The following FHL5 variants were observed in gnomAD, a reference collection of about 807,000 sequenced individuals.
FHL5 encodes four and a half LIM domains protein 5.
Under a neutral mutation model 32.0 loss-of-function variants are expected in FHL5, and 33 were observed. The observed-to-expected ratio is 1.03, with a 90% CI of 0.78 to 1.38. The LOEUF is 1.38. Ranked by LOEUF, FHL5 falls within the 40% of genes most tolerant of loss-of-function variation. The pLI, the probability that FHL5 is intolerant of heterozygous loss-of-function variation, is 0.00. For missense variants in FHL5, 336 were observed against 343.9 expected, an observed-to-expected ratio of 0.98 and a Z score of 0.18; for synonymous variants, 114 against 113.6, an observed-to-expected ratio of 1.00 and a Z score of -0.02.
chr6:96,604,695 A>C, intron 2 of FHL5, 55 bp from the exon 3 acceptor site: 1 of 1,429,750 alleles, frequency 7.0e-7, no homozygotes, highest in Non-Finnish European at 9.6e-7. Flanking sequence ...TGTTTCATAA[A>C]ATGGCCTGTA....
At chr6:96,593,610 G>A (rs1770966865) in intron 1 of FHL5, among the ~76,000 whole-genome samples, 1 of 152,050 alleles carries the variant, frequency 6.6e-6, no homozygotes, top group Non-Finnish European at 1.5e-5. Flanking sequence ...AGCTTACCAG[G>A]CCTGCTACAT....
chr6:96,608,525 G>T (rs1449598091), intron 4 of FHL5, among the ~76,000 whole-genome samples: 1 of 152,038 alleles, frequency 6.6e-6, no homozygotes, highest in Non-Finnish European at 1.5e-5. Flanking sequence ...CAACCAGGCT[G>T]TTAGAACTTT....
chr6:96,608,280 A>G (rs1468622547), intron 4 of FHL5, among the ~76,000 whole-genome samples: 1 of 152,182 alleles, frequency 6.6e-6, no homozygotes, highest in Non-Finnish European at 1.5e-5. Flanking sequence ...AGGTTATTGG[A>G]GCCTGTAACT....
rs751149566 is a variant in FHL5, at chr6:96,604,838, C to A, written c.248C>A (p.Ala83Asp). 6.2e-7 allele frequency: 1 copy of A among 1,613,978 alleles called. No individual in the cohort carries two copies. Among genetic ancestry groups the A allele is most frequent in the Non-Finnish European group, 8.5e-7 (1 of 1,179,860 alleles). Residue 83 changes from alanine (A) to aspartate (D), a missense_variant, in exon 3 of 6, where the codon GCC becomes GAC. Physicochemically the swap from Ala to Asp is moderately radical, Grantham distance 126. Transcript: ENST00000450218. ...NHSLVEKPFA[A>D]KDERLLCTEC... ...TCTTTGGTGGAAAAGCCTTTTGCTG[C>A]CAAGGATGAGCGCCTGCTGTGCACG...
intron 1 of FHL5, among the ~76,000 whole-genome samples, chr6:96,568,102 G>A (rs941354778): frequency 1.3e-5 from 2 of 151,688 alleles, no homozygotes; most frequent in Non-Finnish European, 3.0e-5. Flanking sequence ...TGTGATATTG[G>A]CTGTGGGTTT....
At chr6:96,588,347 A>G (rs2127965840) in intron 1 of FHL5, among the ~76,000 whole-genome samples, 1 of 152,212 alleles carries the variant, frequency 6.6e-6, no homozygotes, top group Non-Finnish European at 1.5e-5. Flanking sequence ...ACTGGCTGGG[A>G]TTACAGGCAT....
chr6:96,565,805 CAT>C (rs760806086), intron 1 of FHL5, among the ~76,000 whole-genome samples: 10 of 152,044 alleles, frequency 6.6e-5, no homozygotes, highest in Non-Finnish European at 1.3e-4. Context: ...ATTTAAGTAA[CAT>C]GTCATAAGTC....
At chr6:96,582,736 T>A (rs1016074991) in intron 1 of FHL5, among the ~76,000 whole-genome samples, 1 of 152,188 alleles carries the variant, frequency 6.6e-6, no homozygotes, top group African/African-American at 2.4e-5. Flanking sequence ...TCCACCACAA[T>A]TCTATGATGC....
In FHL5 at chr6:96,576,073, C is replaced by T. The variant is rs553317414; in HGVS notation, c.-13+12718C>T. Among the ~76,000 whole-genome samples the T allele has an allele frequency of 2.9e-3, 445 of 152,282 alleles. 1 individual carries two copies. Among genetic ancestry groups the T allele is most frequent in the African/African-American group, 0.01 (421 of 41,570 alleles). ...GTCACTACCTCCACAACTGTGTGGA[C>T]GGCCCTCAGCTTAGGAACCTCCACC... On this transcript the variant is annotated intron_variant, in intron 1 of 5. Coordinates refer to ENST00000450218, the MANE Select transcript of FHL5 (RefSeq NM_001322466.2).
intron 1 of FHL5, among the ~76,000 whole-genome samples, chr6:96,592,231 G>A (rs1201139840): frequency 6.6e-6 from 1 of 152,042 alleles, no homozygotes; most frequent in African/African-American, 2.4e-5. Context: ...ATAGAAGATG[G>A]CCACACCCAA....
intron 1 of FHL5, among the ~76,000 whole-genome samples, chr6:96,587,065 C>T (rs1489770669): frequency 6.6e-6 from 1 of 152,184 alleles, no homozygotes; most frequent in African/African-American, 2.4e-5. Flanking sequence ...GTCATGGCAA[C>T]AGCTTTTTGG....
At chr6:96,570,023 A>G (rs1387388401) in intron 1 of FHL5, among the ~76,000 whole-genome samples, 1 of 151,696 alleles carries the variant, frequency 6.6e-6, no homozygotes, top group African/African-American at 2.4e-5. Flanking sequence ...TTCTGTAGTG[A>G]CAAGGTTTGA....
At chr6:96,594,765 T>C (rs966311262) in intron 1 of FHL5, among the ~76,000 whole-genome samples, 1 of 151,986 alleles carries the variant, frequency 6.6e-6, no homozygotes, top group African/African-American at 2.4e-5. Flanking sequence ...AATAATTTTG[T>C]TTTACTTATT....
chr6:96,586,155 A>T (rs993011335), intron 1 of FHL5, among the ~76,000 whole-genome samples: 1 of 152,244 alleles, frequency 6.6e-6, no homozygotes, highest in Non-Finnish European at 1.5e-5. Flanking sequence ...CACAACTTCC[A>T]TGACCACTAT....
At chr6:96,579,103 GTCT>G (rs1770646804) in intron 1 of FHL5, among the ~76,000 whole-genome samples, 1 of 152,094 alleles carries the variant, frequency 6.6e-6, no homozygotes, top group African/African-American at 2.4e-5. Flanking sequence ...AATAAGTTCA[GTCT>G]TCTTATGAAG....
chr6:96,597,618 G>C (rs1582473030), intron 1 of FHL5, among the ~76,000 whole-genome samples: 1 of 152,136 alleles, frequency 6.6e-6, no homozygotes, highest in South Asian at 2.1e-4. Context: ...TGATGACCTT[G>C]CCCTAGTCTT....
chr6:96,616,452 C>T lies in FHL5; in HGVS notation c.*680C>T, dbSNP rs1399620508. On this transcript the variant is annotated 3_prime_UTR_variant, in exon 6 of 6. Coordinates refer to ENST00000450218, the MANE Select transcript of FHL5 (RefSeq NM_001322466.2). Reference sequence around the variant, plus strand: ...ATAGGTATAAAGAGGATCATTTCTACCTAGGGATAGCCAAAGCATGGGTTT... The same window carrying T: ...ATAGGTATAAAGAGGATCATTTCTATCTAGGGATAGCCAAAGCATGGGTTT... The T allele has an allele frequency of 1.3e-5, 2 of 152,090 alleles. No homozygotes were observed. Among genetic ancestry groups the T allele is most frequent in the African/African-American group, 4.8e-5 (2 of 41,400 alleles). 9.4% of individuals were successfully genotyped at this position (152,090 alleles called of 1,614,324 possible). A position where few individuals can be genotyped will look rare whatever the true frequency, so the allele number is the denominator to read the frequency against.
intron 4 of FHL5, among the ~76,000 whole-genome samples, chr6:96,607,681 G>A (rs1437524013): frequency 6.6e-6 from 1 of 151,846 alleles, no homozygotes. Flanking sequence ...GGTCAATGAC[G>A]GCATTTAAAA....
Position 96,615,950 on chromosome 6 carries a change from A to G in FHL5, c.*178A>G. On this transcript the variant is annotated 3_prime_UTR_variant, in exon 6 of 6. Transcript: ENST00000450218. ...CTAAGCACACAAAAAGCACAGTAGA[A>G]CAGAAATGAATATATGCTAAATCAC... 1 of 477,630 alleles carries G rather than the reference A, an allele frequency of 2.1e-6. No individual in the cohort carries two copies. The highest frequency in any genetic ancestry group is 3.4e-5 in the East Asian group (1 of 29,002). The allele number at this position is 477,630 out of a possible 1,614,324, so 29.6% of individuals were successfully genotyped here.
Sources: gnomAD v4.1 joint callset for allele counts (sites outside exome capture counted in the v4.1 genomes callset) on GRCh38, gnomAD v4.1.1 for gene constraint, MANE v1.5 for transcripts, NCBI Gene and HGNC (gene_info 2026-07-23, HGNC 2026-07-21) for gene names.